Variants in CHEK2 observed in about 807,000 individuals in gnomAD.
The protein encoded by CHEK2 is checkpoint kinase 2.
A neutral mutation model predicts 69.1 loss-of-function variants in CHEK2; 71 were observed. That is an observed-to-expected ratio of 1.03 (90% CI 0.85 to 1.25). CHEK2 has a LOEUF of 1.25. CHEK2 is among the 50% of genes most tolerant of loss of function. The probability of loss-of-function intolerance (pLI) is 0.00; values close to 1 mark genes in which losing one functional copy is unlikely to be tolerated. For synonymous variants in CHEK2, 189 were observed against 226.9 expected (o/e 0.83, Z 1.50); for missense variants, 664 against 649.6 (o/e 1.02, Z -0.24).
chr22:28,695,566 A>T (rs1325867493), intron 11 of CHEK2, 144 bp downstream of exon 11: 6 of 744,124 alleles, frequency 8.1e-6, no homozygotes, highest in Non-Finnish European at 1.4e-5. Context: ...CTGAGGTGGG[A>T]GGATCACTTG....
chr22:28,714,809 T>C (rs1313151039), intron 5 of CHEK2, among the ~76,000 whole-genome samples: 1 of 152,174 alleles, frequency 6.6e-6, no homozygotes, highest in Non-Finnish European at 1.5e-5. Context: ...AATTAATTCT[T>C]ATGTATGGTA....
chr22:28,710,101 T>G, intron 6 of CHEK2, 42 bp from the exon 7 acceptor site: 2 of 1,316,572 alleles, frequency 1.5e-6, no homozygotes, highest in Non-Finnish European at 2.2e-6. Flanking sequence ...TAATAATAAT[T>G]GCCAATATTT....
In CHEK2 at chr22:28,711,658, GA is replaced by G. The variant is rs17880165; in HGVS notation, c.792+250del. Among the ~76,000 whole-genome samples, 81 of 141,466 alleles carry G rather than the reference GA, an allele frequency of 5.7e-4. 1 individual carries two copies. In the East Asian group the frequency reaches 6.1e-3, roughly 11 times the overall value. The allele number at this position is 141,466 out of a possible 152,430, so 92.8% of individuals were successfully genotyped here. Reference sequence around the variant, plus strand: ...TGTAACGACTTTGAACTTGGAAGAAGAAAAAAAAAAACTTCCCACTATGCTC... The same window carrying G: ...TGTAACGACTTTGAACTTGGAAGAAGAAAAAAAAAACTTCCCACTATGCTC... On this transcript the variant is annotated intron_variant, in intron 6 of 14. Transcript: ENST00000404276.
chr22:28,712,643 C>A (rs1052124289), intron 5 of CHEK2, among the ~76,000 whole-genome samples: 7 of 152,162 alleles, frequency 4.6e-5, no homozygotes, highest in Non-Finnish European at 1.0e-4. Context: ...TTACCCAGAA[C>A]ACAGTTAATC....
At chr22:28,689,661 T>C (rs1317406949) in intron 13 of CHEK2, among the ~76,000 whole-genome samples, 1 of 152,068 alleles carries the variant, frequency 6.6e-6, no homozygotes, top group Non-Finnish European at 1.5e-5. Flanking sequence ...CCCAGCACCC[T>C]AGGAAAATTC....
In CHEK2 at chr22:28,710,033, TTC is replaced by T. The variant is rs1474786480; in HGVS notation, c.817_818del (p.Glu273AsnfsTer16). On this transcript the variant is annotated frameshift_variant, in exon 7 of 15. Transcript: ENST00000404276. LOFTEE classifies it high-confidence loss of function. ...GATTTAGCTTTTTCAAAATTTCTAT[TTC>T]TGTTTCAACATTGAGAGCTGGGTCC... ...EADPALNVETEIEILKKLNHP... is the reference protein window; with the variant it reads ...EADPALNVETXIEILKKLNHP... 9.6e-6 allele frequency: 15 copies of T among 1,557,046 alleles called. No individual in the cohort carries two copies. The highest frequency in any genetic ancestry group is 1.3e-5 in the Non-Finnish European group (15 of 1,130,206).
intron 2 of CHEK2, among the ~76,000 whole-genome samples, chr22:28,725,634 G>C (rs550396278): frequency 3.9e-5 from 6 of 152,306 alleles, no homozygotes; most frequent in African/African-American, 1.4e-4. Context: ...GCTAAGGCAG[G>C]AGGATCACTT....
rs1555916906 is a variant in CHEK2 at position 28,703,518 on chromosome 22, T to A, written c.895A>T (p.Ile299Phe). The A allele has an allele frequency of 6.7e-7, 1 of 1,502,942 alleles. No homozygotes were observed. Among genetic ancestry groups the A allele is most frequent in the Non-Finnish European group, 9.2e-7 (1 of 1,088,440 alleles). The allele number at this position is 1,502,942 out of a possible 1,614,324, so 93.1% of individuals were successfully genotyped here. A position where few individuals can be genotyped will look rare whatever the true frequency, so the allele number is the denominator to read the frequency against. ...TTTACTACTTACAATTCCAAAACAA[T>A]ATAATAATCTTCTGCATCAAAAAAG... ...KNFFDAEDYY[I>F]VLELMEGGEL... Residue 299 changes from isoleucine to phenylalanine, a missense_variant, in exon 8 of 15, where the codon ATT becomes TTT. Transcript: ENST00000404276.
At chr22:28,734,799 G>A in intron 1 of CHEK2, 72 bp from the exon 2 acceptor site, 2 of 1,241,528 alleles carry the variant, frequency 1.6e-6, no homozygotes, top group Non-Finnish European at 2.3e-6. Flanking sequence ...AGTAAATGAT[G>A]GGCCTATTAC....
intron 6 of CHEK2, among the ~76,000 whole-genome samples, chr22:28,710,592 G>C (rs936276580): frequency 6.6e-6 from 1 of 152,122 alleles, no homozygotes; most frequent in Non-Finnish European, 1.5e-5. Flanking sequence ...CAGCAGCCTC[G>C]CATATTTACT....
intron 13 of CHEK2, among the ~76,000 whole-genome samples, chr22:28,691,578 C>A (rs1306628403): frequency 6.6e-6 from 1 of 152,376 alleles, no homozygotes; most frequent in East Asian, 1.9e-4. Flanking sequence ...TGCCTATTAT[C>A]CAAGCACTTT....
Position 28,699,929 on chromosome 22 carries a change from C to A in CHEK2, c.917G>T (p.Gly306Val), listed in dbSNP as rs587780192. The change falls in exon 9 of 15, where the codon GGG becomes GTG. Residue 306 changes from glycine (G) to valine (V), a missense_variant. Transcript: ENST00000404276. ...DYYIVLELME[G>V]GELFDKVVGN... is the part of the protein sequence containing the mutation. ...CACCACTTTGTCAAACAGCTCTCCC[C>A]CTTCCATCCTGAAACACAAAGGCAA... 4 of 1,613,330 alleles carry A rather than the reference C, an allele frequency of 2.5e-6. No individual in the cohort carries two copies. The highest frequency in any genetic ancestry group is 3.4e-6 in the Non-Finnish European group (4 of 1,179,426).
intron 8 of CHEK2, among the ~76,000 whole-genome samples, chr22:28,701,122 G>A (rs1382533105): frequency 6.6e-6 from 1 of 152,056 alleles, no homozygotes; most frequent in Non-Finnish European, 1.5e-5. Context: ...GTGTTAACTG[G>A]ATTCAGTCAG....
intron 4 of CHEK2, among the ~76,000 whole-genome samples, chr22:28,723,909 C>T (rs1187139712): frequency 6.6e-6 from 1 of 151,102 alleles, no homozygotes; most frequent in Non-Finnish European, 1.5e-5. Flanking sequence ...GAACTCCAGC[C>T]TGGGAGACAG....
intron 4 of CHEK2, among the ~76,000 whole-genome samples, chr22:28,723,824 CTG>C (rs2053891364): frequency 6.6e-6 from 1 of 151,836 alleles, no homozygotes; most frequent in Non-Finnish European, 1.5e-5. Context: ...TGGCATGTGT[CTG>C]TGGTCACAGC....
At chr22:28,728,805 G>A (rs1444991765) in intron 2 of CHEK2, among the ~76,000 whole-genome samples, 2 of 151,866 alleles carry the variant, frequency 1.3e-5, no homozygotes, top group Non-Finnish European at 2.9e-5. Flanking sequence ...AGCAACATAG[G>A]GACACCCCAT....
chr22:28,695,330 G>A (rs2052530802), intron 11 of CHEK2, 88 bp from the exon 12 acceptor site: 2 of 800,174 alleles, frequency 2.5e-6, no homozygotes, highest in Non-Finnish European at 4.3e-6. Flanking sequence ...TCAGCATAAT[G>A]AAAAGTCAGA....
At chr22:28,697,009 A>ACCCTCAGATTCATGCAGTAGATACTT (rs757222003) in intron 9 of CHEK2, 22 bp from the exon 10 acceptor site, 14 of 1,490,142 alleles carry the variant, frequency 9.4e-6, no homozygotes. Flanking sequence ...GGCAGGCATG[A>ACCCTCAGATTCATGCAGTAGATACTT]CCCTCAGATT....
chr22:28,703,430 C>A (rs2052968560), intron 8 of CHEK2, 75 bp downstream of exon 8: 3 of 827,742 alleles, frequency 3.6e-6, no homozygotes, highest in Non-Finnish European at 6.1e-6. Context: ...GAAAGGCAAG[C>A]CTACATTAGA....
Sources: allele counts gnomAD v4.1 joint callset (sites outside exome capture counted in the v4.1 genomes callset), GRCh38; gene constraint gnomAD v4.1.1; transcripts MANE v1.5; gene names NCBI Gene and HGNC (gene_info 2026-07-23, HGNC 2026-07-21).